Variants in ITSN2 observed in about 807,000 individuals in gnomAD.
The protein encoded by ITSN2 is intersectin 2, also known as intersectin-2.
In ITSN2, 156 loss-of-function variants were observed where a neutral mutation model predicts 243.7. The observed-to-expected ratio is 0.64, with a 90% CI of 0.56 to 0.73. The LOEUF is 0.73. ITSN2 is among the 30% of genes least tolerant of loss of function. ITSN2 has a pLI of 0.00. For synonymous variants in ITSN2, 703 were observed against 699.9 expected (o/e 1.00, Z -0.07); for missense variants, 1,801 against 1,996.1 (o/e 0.90, Z 1.86).
chr2:24,272,916 T>C (rs1213172701), intron 18 of ITSN2, among the ~76,000 whole-genome samples: 3 of 152,178 alleles, frequency 2.0e-5, no homozygotes, highest in Non-Finnish European at 4.4e-5. Flanking sequence ...CTCATGCATC[T>C]TATAGTTCTC....
At chr2:24,298,841 AT>A (rs1317207356) in intron 12 of ITSN2, 27 bp from the exon 13 acceptor site, 20 of 1,570,454 alleles carry the variant, frequency 1.3e-5, no homozygotes, top group Non-Finnish European at 1.6e-5. Flanking sequence ...ATTATACTTA[AT>A]TTTTAAATCA....
At chr2:24,242,721 C>A (rs1672872227) in intron 29 of ITSN2, among the ~76,000 whole-genome samples, 1 of 152,050 alleles carries the variant, frequency 6.6e-6, no homozygotes, top group Non-Finnish European at 1.5e-5. Context: ...TTTATAGAAA[C>A]AATAAACCAT....
At chr2:24,280,778 C>A (rs1246151271) in intron 17 of ITSN2, among the ~76,000 whole-genome samples, 2 of 152,140 alleles carry the variant, frequency 1.3e-5, no homozygotes, top group African/African-American at 4.8e-5. Context: ...GTCACCTGGT[C>A]ATTCACTCAC....
chr2:24,358,282 G>C (rs1393262287), intron 1 of ITSN2, among the ~76,000 whole-genome samples: 9 of 152,192 alleles, frequency 5.9e-5, no homozygotes, highest in Non-Finnish European at 1.2e-4. Context: ...GCAGTTAAAA[G>C]GATCTTGGTT....
At chr2:24,208,412 G>GT in intron 36 of ITSN2, 93 bp from the exon 37 acceptor site, 2 of 921,048 alleles carry the variant, frequency 2.2e-6, no homozygotes, top group Non-Finnish European at 3.5e-6. Context: ...TCAGTCTTTT[G>GT]CTAACCTCAA....
intron 1 of ITSN2, among the ~76,000 whole-genome samples, chr2:24,336,010 G>A (rs1188260346): frequency 1.3e-5 from 2 of 151,682 alleles, no homozygotes; most frequent in East Asian, 2.0e-4. Flanking sequence ...GGGAGGCCGA[G>A]GCAGGTGGAT....
At chr2:24,310,157 C>A in intron 7 of ITSN2, 127 bp downstream of exon 7, 3 of 569,218 alleles carry the variant, frequency 5.3e-6, no homozygotes, top group Admixed American at 2.8e-5. Flanking sequence ...GTAAATTTAC[C>A]TTAAGTATTT....
intron 35 of ITSN2, among the ~76,000 whole-genome samples, chr2:24,209,513 G>T (rs1669264002): frequency 1.3e-5 from 2 of 152,242 alleles, no homozygotes. Flanking sequence ...AGCAACGCTG[G>T]TGCTGTGCTG....
In ITSN2 at chr2:24,204,185, G is replaced by A; in HGVS notation, c.4936+60C>T. 6.5e-7 allele frequency: 1 copy of A among 1,542,240 alleles called. No homozygotes were observed. The highest frequency in any genetic ancestry group is 8.9e-7 in the Non-Finnish European group (1 of 1,118,230). On this transcript the variant is annotated intron_variant, in intron 39 of 39. Coordinates refer to ENST00000355123, the MANE Select transcript of ITSN2 (RefSeq NM_006277.3). This position sits in a 1 kb window ranked among gnomAD's most constrained non-coding sequence, Gnocchi z 5.1. ...GCACACAGCTGAAGCCCCTAGATCT[G>A]GACTCCAGGATCTAGGAAACTGGGA... is the stretch of plus-strand genomic sequence containing the variant.
intron 2 of ITSN2, among the ~76,000 whole-genome samples, chr2:24,327,767 T>A (rs1685316048): frequency 6.6e-6 from 1 of 152,206 alleles, no homozygotes; most frequent in African/African-American, 2.4e-5. Context: ...AGTCACCTTA[T>A]AGCACTCTGC....
At chr2:24,256,969 CAG>C (rs1206559725) in intron 23 of ITSN2, among the ~76,000 whole-genome samples, 13 of 152,032 alleles carry the variant, frequency 8.6e-5, no homozygotes, top group Admixed American at 1.3e-4. Flanking sequence ...TTATAGTAAA[CAG>C]GGGAGAAATG....
rs760247631 is a variant in ITSN2 at position 24,261,633 on chromosome 2, T to C, written c.2465A>G (p.Glu822Gly). ...GGCCTTCTTTGGAGATACAGCTTTT[T>C]CATTTTCACTTGATGGCATTTTTTC... ...YVEKMPSSEN[E>G]KAVSPKKALL... The change falls in exon 21 of 40, where the codon GAA (glutamate) becomes GGA (glycine). Residue 822 changes from glutamate to glycine, a missense_variant. By Grantham distance (98) the Glu-to-Gly change is moderately conservative (BLOSUM62 -2). Transcript: ENST00000355123. 6.2e-7 allele frequency: 1 copy of C among 1,613,666 alleles called. No homozygotes were observed. The highest frequency in any genetic ancestry group is 1.7e-5 in the Admixed American group (1 of 60,022).
At chr2:24,281,219 G>A (rs900048163) in intron 17 of ITSN2, among the ~76,000 whole-genome samples, 3 of 152,102 alleles carry the variant, frequency 2.0e-5, no homozygotes, top group Non-Finnish European at 4.4e-5. Context: ...TAGTAGAGAC[G>A]GGGTTTCATC....
chr2:24,342,401 G>A (rs1228798120), intron 1 of ITSN2, among the ~76,000 whole-genome samples: 1 of 151,240 alleles, frequency 6.6e-6, no homozygotes, highest in Admixed American at 6.6e-5. Flanking sequence ...GTCTCCCTAT[G>A]TTGCCCAGGC....
intron 29 of ITSN2, among the ~76,000 whole-genome samples, chr2:24,243,008 T>C (rs1672915021): frequency 1.3e-5 from 2 of 152,196 alleles, no homozygotes; most frequent in African/African-American, 4.8e-5. Flanking sequence ...GCTGTCAGTA[T>C]GTAAAATGAC....
At chr2:24,341,576 A>G (rs570903910) in intron 1 of ITSN2, among the ~76,000 whole-genome samples, 1 of 152,316 alleles carries the variant, frequency 6.6e-6, no homozygotes, top group South Asian at 2.1e-4. Flanking sequence ...TAGGCAATAA[A>G]TGTTTAAAAT....
At chr2:24,244,841 G>C (rs1388364647) in intron 29 of ITSN2, among the ~76,000 whole-genome samples, 4 of 152,114 alleles carry the variant, frequency 2.6e-5, no homozygotes, top group Non-Finnish European at 5.9e-5. Context: ...TAAAGGGAAG[G>C]TTTCTCCCAG....
At chr2:24,330,966 C>T (rs1401832910) in intron 1 of ITSN2, among the ~76,000 whole-genome samples, 4 of 151,594 alleles carry the variant, frequency 2.6e-5, no homozygotes, top group African/African-American at 7.3e-5. Context: ...GGCGTTTCAC[C>T]ATGTTGGTCA....
chr2:24,322,151 T>TAC (rs1283863230), intron 2 of ITSN2, among the ~76,000 whole-genome samples: 5 of 152,298 alleles, frequency 3.3e-5, no homozygotes, highest in Admixed American at 2.6e-4. Flanking sequence ...AAAGATTACA[T>TAC]GTAATATACC....
Sources: gnomAD v4.1 joint callset for allele counts (sites outside exome capture counted in the v4.1 genomes callset) on GRCh38, gnomAD v4.1.1 for gene constraint, Gnocchi (gnomAD v3.1) non-coding constraint, MANE v1.5 for transcripts, NCBI Gene and HGNC (gene_info 2026-07-23, HGNC 2026-07-21) for gene names.